Variants in CSMD1 observed in about 807,000 individuals in gnomAD.
CSMD1 encodes CUB and sushi domain-containing protein 1.
CSMD1 carries 213 observed loss-of-function variants against 417.5 expected under a neutral mutation model. The ratio of observed to expected loss-of-function variants is 0.51; its 90% CI spans 0.46 to 0.57. CSMD1 has a LOEUF of 0.57. CSMD1 is among the 20% of genes least tolerant of loss of function. The pLI, the probability that CSMD1 is intolerant of heterozygous loss-of-function variation, is 0.00. For missense variants in CSMD1, 6,923 were observed against 4,529.7 expected (o/e 1.53, Z -15.17); for synonymous variants, 2,862 against 1,736.8 (o/e 1.65, Z -16.11).
At chr8:3,097,648 G>C (rs1407421957) in intron 46 of CSMD1, among the ~76,000 whole-genome samples, 3 of 152,130 alleles carry the variant, frequency 2.0e-5, no homozygotes, top group South Asian at 4.1e-4. Context: ...AGGCTATTCA[G>C]AACAGTGCAA....
chr8:3,042,597 A>C (rs1238597387), intron 50 of CSMD1, among the ~76,000 whole-genome samples: 1 of 152,126 alleles, frequency 6.6e-6, no homozygotes, highest in East Asian at 1.9e-4. Context: ...GGATGAGCAT[A>C]AAAGGACCAT....
intron 30 of CSMD1, 101 bp from the exon 31 acceptor site, chr8:3,205,721 GA>G: frequency 2.0e-6 from 1 of 506,142 alleles, no homozygotes; most frequent in Non-Finnish European, 3.5e-6. Flanking sequence ...CACGTTTATT[GA>G]AAACTTGACA....
intron 3 of CSMD1, among the ~76,000 whole-genome samples, chr8:4,080,611 T>C (rs575015974): frequency 6.6e-5 from 10 of 152,336 alleles, no homozygotes; most frequent in Non-Finnish European, 1.3e-4. Context: ...TATTCCTTTC[T>C]GGAGTTTAGA....
At chr8:4,403,903 C>T (rs1031762951) in intron 3 of CSMD1, among the ~76,000 whole-genome samples, 2 of 152,158 alleles carry the variant, frequency 1.3e-5, no homozygotes, top group East Asian at 1.9e-4. Context: ...ATCCCCTACC[C>T]ACACCCGCAT....
chr8:4,224,066 GC>G (rs1292709461), intron 3 of CSMD1, among the ~76,000 whole-genome samples: 1 of 152,016 alleles, frequency 6.6e-6, no homozygotes, highest in African/African-American at 2.4e-5. Flanking sequence ...CTCAAACAGG[GC>G]TAAAGGCTGA....
At chr8:3,057,233 T>A (rs908083610) in intron 49 of CSMD1, among the ~76,000 whole-genome samples, 2 of 152,220 alleles carry the variant, frequency 1.3e-5, no homozygotes, top group African/African-American at 4.8e-5. Context: ...TTGAATTTCA[T>A]AAAAACATCA....
chr8:4,146,159 C>A (rs1391132036), intron 3 of CSMD1, among the ~76,000 whole-genome samples: 4 of 150,774 alleles, frequency 2.7e-5, no homozygotes, highest in Admixed American at 2.0e-4. Flanking sequence ...ACATATAATC[C>A]AGCCTCATAC....
intron 3 of CSMD1, among the ~76,000 whole-genome samples, chr8:4,398,607 G>A (rs917242908): frequency 6.6e-6 from 1 of 151,954 alleles, no homozygotes; most frequent in Non-Finnish European, 1.5e-5. Context: ...GTGTTAGCCA[G>A]GATTGTCTCG....
intron 26 of CSMD1, among the ~76,000 whole-genome samples, chr8:3,261,530 A>G (rs1462556341): frequency 1.3e-5 from 2 of 152,196 alleles, no homozygotes. Context: ...ATAATTTTGA[A>G]AAGAAAACCT....
intron 47 of CSMD1, among the ~76,000 whole-genome samples, chr8:3,093,374 A>C (rs1815082032): frequency 6.6e-6 from 1 of 152,076 alleles, no homozygotes; most frequent in African/African-American, 2.4e-5. Flanking sequence ...GAGAACATAA[A>C]TTTCTGTTGA....
chr8:4,327,293 C>T (rs556843072), intron 3 of CSMD1, among the ~76,000 whole-genome samples: 1 of 152,284 alleles, frequency 6.6e-6, no homozygotes, highest in African/African-American at 2.4e-5. Flanking sequence ...ATCTCTTTTA[C>T]ATTTTTCTCT....
chr8:3,674,901 C>A (rs368453590), intron 7 of CSMD1, among the ~76,000 whole-genome samples: 25 of 152,256 alleles, frequency 1.6e-4, no homozygotes, highest in African/African-American at 5.8e-4. Flanking sequence ...TGTTTATATC[C>A]TGGAAGATAA....
At chr8:4,858,311 C>T (rs967346137) in intron 1 of CSMD1, among the ~76,000 whole-genome samples, 13 of 151,776 alleles carry the variant, frequency 8.6e-5, no homozygotes, top group Non-Finnish European at 1.5e-4. Context: ...CAATATCATA[C>T]TGAATGGGCA....
At chr8:4,212,135 T>A (rs1277468257) in intron 3 of CSMD1, among the ~76,000 whole-genome samples, 1 of 151,168 alleles carries the variant, frequency 6.6e-6, no homozygotes, top group East Asian at 1.9e-4. Context: ...AGAAGAAGTG[T>A]CCTTTATTAT....
chr8:4,213,858 G>T (rs763949884), intron 3 of CSMD1, among the ~76,000 whole-genome samples: 4 of 152,318 alleles, frequency 2.6e-5, no homozygotes, highest in South Asian at 4.1e-4. Flanking sequence ...TTTAGGCTGA[G>T]AATCAGATGA....
intron 5 of CSMD1, among the ~76,000 whole-genome samples, chr8:3,802,368 A>G (rs1800504923): frequency 6.6e-6 from 1 of 152,188 alleles, no homozygotes; most frequent in Non-Finnish European, 1.5e-5. Flanking sequence ...ATGTGCTTAT[A>G]GAGATATTTA....
chr8:3,830,391 G>C lies in CSMD1; in HGVS notation c.819-76349C>G, dbSNP rs538733647. Among the ~76,000 whole-genome samples, 78 of 152,272 alleles carry C rather than the reference G, an allele frequency of 5.1e-4. No homozygotes were observed. The South Asian group carries it at 0.016, about 31-fold the overall frequency. ...CTTTCCCTCAAGGAGACGTTACCTG[G>C]ACCGCTTCCAATCAGATGATACCCA... On this transcript the variant is annotated intron_variant, in intron 5 of 69. Transcript: ENST00000635120.
At chr8:3,915,263 G>C (rs1168481863) in intron 5 of CSMD1, among the ~76,000 whole-genome samples, 2 of 151,824 alleles carry the variant, frequency 1.3e-5, no homozygotes, top group Non-Finnish European at 2.9e-5. Context: ...AAAATTATCT[G>C]GGCATGGTAG....
chr8:3,994,155 C>G (rs1464654834), intron 5 of CSMD1, among the ~76,000 whole-genome samples: 1 of 152,186 alleles, frequency 6.6e-6, no homozygotes, highest in Non-Finnish European at 1.5e-5. Context: ...TTTTGGGACA[C>G]ATTTTCAATG....
Sources: gnomAD v4.1 joint callset for allele counts (sites outside exome capture counted in the v4.1 genomes callset) on GRCh38, gnomAD v4.1.1 for gene constraint, MANE v1.5 for transcripts, NCBI Gene and HGNC (gene_info 2026-07-23, HGNC 2026-07-21) for gene names.